The following PCSK5 variants were observed in gnomAD, a reference collection of about 807,000 sequenced individuals.
PCSK5 encodes the protein proprotein convertase subtilisin/kexin type 5.
Under a neutral mutation model 233.2 loss-of-function variants are expected in PCSK5, and 129 were observed. The ratio of observed to expected loss-of-function variants is 0.55; its 90% confidence interval spans 0.48 to 0.64. PCSK5 has a LOEUF of 0.64. Among genes scored for constraint, PCSK5 ranks in the 30% least tolerant of loss-of-function variants. The probability of loss-of-function intolerance (pLI) is 0.00; values close to 1 mark genes in which losing one functional copy is unlikely to be tolerated. For missense variants in PCSK5, 2,076 were observed against 2,430.1 expected, an observed-to-expected ratio of 0.85 and a Z score of 3.06; for synonymous variants, 825 against 879.2, an observed-to-expected ratio of 0.94 and a Z score of 1.09.
chr9:75,894,447 C>T (rs1047052470), intron 1 of PCSK5, among the ~76,000 whole-genome samples: 31 of 152,096 alleles, frequency 2.0e-4, no homozygotes, highest in African/African-American at 7.5e-4. Flanking sequence ...GCAAAAAGGA[C>T]GTGCTTGATT....
chr9:75,937,419 T>C (rs527595984), intron 2 of PCSK5, among the ~76,000 whole-genome samples: 1 of 152,234 alleles, frequency 6.6e-6, no homozygotes, highest in South Asian at 2.1e-4. Flanking sequence ...CCTCAGGTGA[T>C]CCTCCTGCCT....
intron 5 of PCSK5, among the ~76,000 whole-genome samples, chr9:76,029,709 C>A (rs1828576130): frequency 6.6e-6 from 1 of 152,156 alleles, no homozygotes; most frequent in Non-Finnish European, 1.5e-5. Flanking sequence ...TCTTGAGCTC[C>A]CAAGGTAACT....
chr9:76,293,023 G>A (rs1267871505), intron 25 of PCSK5, among the ~76,000 whole-genome samples: 1 of 152,192 alleles, frequency 6.6e-6, no homozygotes, highest in East Asian at 1.9e-4. Flanking sequence ...ACAGGAGGAT[G>A]TTAATCTCCT....
At chr9:76,018,293 AAC>A (rs368854212) in intron 3 of PCSK5, among the ~76,000 whole-genome samples, 72 of 152,264 alleles carry the variant, frequency 4.7e-4, no homozygotes, top group African/African-American at 1.5e-3. Context: ...GAAATTGGGA[AAC>A]ACTAACACAT....
intron 28 of PCSK5, among the ~76,000 whole-genome samples, chr9:76,302,860 A>G (rs1484042538): frequency 6.6e-6 from 1 of 152,150 alleles, no homozygotes; most frequent in Non-Finnish European, 1.5e-5. Context: ...TTATGTATTA[A>G]ATAAAAAATA....
At chr9:76,219,617 A>C (rs1329533720) in intron 20 of PCSK5, among the ~76,000 whole-genome samples, 1 of 152,000 alleles carries the variant, frequency 6.6e-6, no homozygotes, top group Non-Finnish European at 1.5e-5. Flanking sequence ...CATCTTCATC[A>C]CTCCAAAGAG....
intron 7 of PCSK5, among the ~76,000 whole-genome samples, chr9:76,091,515 A>G (rs916721766): frequency 6.6e-6 from 1 of 152,184 alleles, no homozygotes; most frequent in African/African-American, 2.4e-5. Context: ...AGTTCAGTCC[A>G]CAGCACACCT....
At chr9:76,096,363 A>G (rs1415496788) in intron 8 of PCSK5, among the ~76,000 whole-genome samples, 1 of 152,192 alleles carries the variant, frequency 6.6e-6, no homozygotes, top group East Asian at 1.9e-4. Flanking sequence ...TTGAGGATAA[A>G]TGATTGGTTC....
chr9:76,107,740 C>T (rs997736531), intron 9 of PCSK5, among the ~76,000 whole-genome samples: 2 of 152,140 alleles, frequency 1.3e-5, no homozygotes, highest in Non-Finnish European at 2.9e-5. Context: ...GCTCCGATTC[C>T]ACGACAATAG....
chr9:76,353,945 T>G, intron 36 of PCSK5, 88 bp from the exon 37 acceptor site: 1 of 921,380 alleles, frequency 1.1e-6, no homozygotes, highest in Non-Finnish European at 1.7e-6. Flanking sequence ...TCCCTCCTTA[T>G]GAAGACAAGA....
intron 17 of PCSK5, among the ~76,000 whole-genome samples, chr9:76,187,725 AT>A (rs1204009897): frequency 6.6e-6 from 1 of 152,196 alleles, no homozygotes; most frequent in Non-Finnish European, 1.5e-5. Flanking sequence ...ACTGTGAAAA[AT>A]ATGATAGCTG....
intron 3 of PCSK5, among the ~76,000 whole-genome samples, chr9:76,011,531 T>G (rs1010221043): frequency 6.6e-6 from 1 of 152,228 alleles, no homozygotes; most frequent in Non-Finnish European, 1.5e-5. Flanking sequence ...TTGCTGATTG[T>G]CAGAAGTGAG....
chr9:76,248,581 G>A (rs184631374), intron 24 of PCSK5, among the ~76,000 whole-genome samples: 5 of 152,244 alleles, frequency 3.3e-5, no homozygotes, highest in Non-Finnish European at 7.4e-5. Context: ...TAAACACACT[G>A]GGTGGAAAGT....
intron 20 of PCSK5, among the ~76,000 whole-genome samples, chr9:76,191,273 T>A (rs1399033818): frequency 6.6e-6 from 1 of 152,194 alleles, no homozygotes; most frequent in Non-Finnish European, 1.5e-5. Flanking sequence ...AGGTTTATTC[T>A]TTCCCTTCTT....
At chr9:76,197,018 A>C (rs1824732265) in intron 20 of PCSK5, among the ~76,000 whole-genome samples, 4 of 152,206 alleles carry the variant, frequency 2.6e-5, no homozygotes, top group Admixed American at 2.6e-4. Context: ...TAGAGCTAGA[A>C]TTGGTCCCTG....
intron 24 of PCSK5, among the ~76,000 whole-genome samples, chr9:76,246,367 A>AAAAAC: frequency 7.0e-6 from 1 of 143,192 alleles, no homozygotes; most frequent in East Asian, 2.2e-4. Context: ...AAAAAAAAAA[A>AAAAAC]CTACCGTGAG....
At chr9:76,095,556 A>G (rs1307479443) in intron 7 of PCSK5, among the ~76,000 whole-genome samples, 1 of 152,186 alleles carries the variant, frequency 6.6e-6, no homozygotes, top group Admixed American at 6.5e-5. Flanking sequence ...CTGTACCTCA[A>G]GTTTCTCCAC....
intron 12 of PCSK5, among the ~76,000 whole-genome samples, chr9:76,163,676 T>C (rs549004717): frequency 6.6e-6 from 1 of 151,552 alleles, no homozygotes; most frequent in Non-Finnish European, 1.5e-5. Flanking sequence ...GGAGGTCGAG[T>C]GTGTAGGGAG....
At chr9:76,033,609 A>G (rs1481680287) in intron 5 of PCSK5, among the ~76,000 whole-genome samples, 1 of 152,156 alleles carries the variant, frequency 6.6e-6, no homozygotes, top group Non-Finnish European at 1.5e-5. Context: ...GACACTTTCC[A>G]TATACAGCTG....
Sources: allele counts gnomAD v4.1 joint callset (sites outside exome capture counted in the v4.1 genomes callset), GRCh38; gene constraint gnomAD v4.1.1; transcripts MANE v1.5; gene names NCBI Gene and HGNC (gene_info 2026-07-23, HGNC 2026-07-21).